RBFOX1: variants seen among roughly 807,000 people sequenced by gnomAD.
RBFOX1 encodes RNA binding protein fox-1 homolog 1.
A neutral mutation model predicts 57.7 loss-of-function variants in RBFOX1; 8 were observed. That is an observed-to-expected ratio of 0.14 (90% confidence interval 0.08 to 0.25). RBFOX1 has a LOEUF of 0.25. Among genes scored for constraint, RBFOX1 ranks in the 10% least tolerant of loss-of-function variants. The pLI, the probability that RBFOX1 is intolerant of heterozygous loss-of-function variation, is 1.00. For synonymous variants in RBFOX1, 326 were observed against 222.4 expected, an observed-to-expected ratio of 1.47 and a Z score of -4.15; for missense variants, 611 against 548.5, an observed-to-expected ratio of 1.11 and a Z score of -1.14.
At chr16:7,541,727 C>G (rs543358873) in intron 5 of RBFOX1, among the ~76,000 whole-genome samples, 4 of 152,302 alleles carry the variant, frequency 2.6e-5, no homozygotes, top group African/African-American at 7.2e-5. Context: ...ATGCAAGCAG[C>G]CATGCTTTCC....
intron 4 of RBFOX1, among the ~76,000 whole-genome samples, chr16:7,113,074 A>G (rs2065135876): frequency 6.6e-6 from 1 of 152,102 alleles, no homozygotes; most frequent in Non-Finnish European, 1.5e-5. Context: ...TGGAAAATTA[A>G]TTTTTCCTAT....
chr16:7,233,660 C>G (rs921626383), intron 4 of RBFOX1, among the ~76,000 whole-genome samples: 2 of 152,194 alleles, frequency 1.3e-5, no homozygotes, highest in African/African-American at 4.8e-5. Flanking sequence ...GCCCTTTCAA[C>G]AAGAAATGCG....
At chr16:5,405,554 G>A (rs1422252178) in intron 1 of RBFOX1, among the ~76,000 whole-genome samples, 7 of 152,082 alleles carry the variant, frequency 4.6e-5, no homozygotes, top group Admixed American at 2.0e-4. Context: ...TATTAGCTGC[G>A]TGAGAACAGA....
At chr16:6,728,046 A>G (rs1056061327) in intron 3 of RBFOX1, among the ~76,000 whole-genome samples, 7 of 152,226 alleles carry the variant, frequency 4.6e-5, no homozygotes, top group African/African-American at 1.7e-4. Context: ...TTTGAGATCT[A>G]AGTAACATAA....
intron 3 of RBFOX1, among the ~76,000 whole-genome samples, chr16:6,926,377 C>T (rs780124249): frequency 6.6e-5 from 10 of 152,232 alleles, no homozygotes; most frequent in South Asian, 2.1e-4. Flanking sequence ...ACAGGAGACC[C>T]GCCTGCAGAA....
At chr16:6,807,983 GTATA>G (rs983584142) in intron 3 of RBFOX1, among the ~76,000 whole-genome samples, 2 of 148,208 alleles carry the variant, frequency 1.3e-5, no homozygotes, top group Admixed American at 6.8e-5. Context: ...ATTGTACCCT[GTATA>G]TATATATGCA....
intron 4 of RBFOX1, among the ~76,000 whole-genome samples, chr16:7,111,858 A>G (rs941999027): frequency 6.6e-6 from 1 of 151,954 alleles, no homozygotes; most frequent in Non-Finnish European, 1.5e-5. Context: ...ATCCACTTGT[A>G]TAAATTGATC....
chr16:7,639,169 A>C (rs7193956), intron 11 of RBFOX1, among the ~76,000 whole-genome samples: 148,042 of 152,222 alleles, frequency 0.97, 72,131 homozygotes, highest in Middle Eastern at 1. Flanking sequence ...AATTCTACTG[A>C]CATTAGTCTA....
At chr16:5,530,716 C>G (rs552311544) in intron 2 of RBFOX1, among the ~76,000 whole-genome samples, 2 of 152,190 alleles carry the variant, frequency 1.3e-5, no homozygotes, top group South Asian at 4.2e-4. Flanking sequence ...AAAAACATCT[C>G]TAAACATTGC....
intron 3 of RBFOX1, among the ~76,000 whole-genome samples, chr16:6,890,462 T>A (rs1043429542): frequency 7.2e-5 from 11 of 152,196 alleles, no homozygotes; most frequent in Non-Finnish European, 1.6e-4. Flanking sequence ...GAGATTTCGG[T>A]GAACTGAGAT....
At chr16:6,457,576 G>C (rs1214180011) in intron 2 of RBFOX1, among the ~76,000 whole-genome samples, 2 of 151,994 alleles carry the variant, frequency 1.3e-5, no homozygotes, top group Non-Finnish European at 2.9e-5. Flanking sequence ...CACCATTCCT[G>C]CAGTGCCCCA....
intron 1 of RBFOX1, among the ~76,000 whole-genome samples, chr16:5,440,784 A>G (rs2068060223): frequency 6.6e-6 from 1 of 152,198 alleles, no homozygotes; most frequent in Non-Finnish European, 1.5e-5. Context: ...TTTGAATTTC[A>G]ACAACACAGA....
chr16:6,451,415 T>A (rs995566973), intron 2 of RBFOX1, among the ~76,000 whole-genome samples: 5 of 152,156 alleles, frequency 3.3e-5, no homozygotes, highest in Non-Finnish European at 2.9e-5. Context: ...TTAGGTAATC[T>A]TCTTATCTCC....
chr16:7,698,803 T>G (rs1038841488), intron 14 of RBFOX1, among the ~76,000 whole-genome samples: 1 of 152,128 alleles, frequency 6.6e-6, no homozygotes, highest in African/African-American at 2.4e-5. Flanking sequence ...GGAAACATAC[T>G]CCCACTTATT....
At chr16:7,003,115 T>C (rs926401456) in intron 3 of RBFOX1, among the ~76,000 whole-genome samples, 1 of 151,944 alleles carries the variant, frequency 6.6e-6, no homozygotes, top group African/African-American at 2.4e-5. Context: ...GCAGGAGCAT[T>C]GCGTAAAATG....
intron 4 of RBFOX1, among the ~76,000 whole-genome samples, chr16:7,206,348 G>A (rs905297912): frequency 6.6e-6 from 1 of 151,896 alleles, no homozygotes; most frequent in East Asian, 1.9e-4. Context: ...GCCTTGCCAA[G>A]TAAGCCTAAC....
At chr16:5,322,793 C>G (rs1216581366) in intron 1 of RBFOX1, among the ~76,000 whole-genome samples, 1 of 152,170 alleles carries the variant, frequency 6.6e-6, no homozygotes, top group Non-Finnish European at 1.5e-5. Flanking sequence ...GTGTACCTAC[C>G]TTATTCTACT....
At chr16:6,558,032 C>G (rs919548200) in intron 2 of RBFOX1, among the ~76,000 whole-genome samples, 14 of 152,136 alleles carry the variant, frequency 9.2e-5, no homozygotes, top group African/African-American at 3.4e-4. Flanking sequence ...AAATTGAGAT[C>G]TATTTTTCAT....
rs1419628009 is a variant in RBFOX1, at chr16:6,450,687, A to G, written c.-64+133630A>G. Among the ~76,000 whole-genome samples, 10 of 141,468 alleles carry G rather than the reference A, an allele frequency of 7.1e-5. 1 individual carries two copies. Among genetic ancestry groups the G allele is most frequent in the Middle Eastern group, 3.7e-3 (1 of 272 alleles). The allele number at this position is 141,468 out of a possible 152,430, so 92.8% of individuals were successfully genotyped here. ...TTATGCTGCTGTATTGTGTTTGTCA[A>G]TATGAAGCAAATTAATCCTTTCTTG... On this transcript the variant is annotated intron_variant, in intron 2 of 15. Coordinates refer to ENST00000550418, the MANE Select transcript of RBFOX1 (RefSeq NM_018723.4).
Sources: allele counts gnomAD v4.1 joint callset (sites outside exome capture counted in the v4.1 genomes callset), GRCh38; gene constraint gnomAD v4.1.1; transcripts MANE v1.5; gene names NCBI Gene and HGNC (gene_info 2026-07-23, HGNC 2026-07-21).